XYLT1: variants seen among roughly 807,000 people sequenced by gnomAD.
XYLT1 encodes the protein beta-D-xylosyltransferase 1.
A neutral mutation model predicts 91.3 loss-of-function variants in XYLT1; 36 were observed. The ratio of observed to expected loss-of-function variants is 0.39; its 90% CI spans 0.30 to 0.52. XYLT1 has a LOEUF of 0.52. XYLT1 is among the 20% of genes least tolerant of loss of function. XYLT1 has a pLI of 0.68. For synonymous variants in XYLT1, 588 were observed against 532.0 expected, an observed-to-expected ratio of 1.11 and a Z score of -1.45; for missense variants, 1,242 against 1,284.5, an observed-to-expected ratio of 0.97 and a Z score of 0.51.
At chr16:17,292,845 TG>T (rs995478670) in intron 2 of XYLT1, among the ~76,000 whole-genome samples, 1 of 152,200 alleles carries the variant, frequency 6.6e-6, no homozygotes, top group African/African-American at 2.4e-5. Context: ...CTCCACACTT[TG>T]CCCAGTCCCA....
chr16:17,394,993 G>T (rs1024505857), intron 1 of XYLT1, among the ~76,000 whole-genome samples: 1 of 152,106 alleles, frequency 6.6e-6, no homozygotes, highest in African/African-American at 2.4e-5. Flanking sequence ...CTGCTATCAA[G>T]AACTACCTGA....
intron 1 of XYLT1, among the ~76,000 whole-genome samples, chr16:17,383,597 CA>C: frequency 6.6e-6 from 1 of 151,942 alleles, no homozygotes; most frequent in East Asian, 2.0e-4. Context: ...ACAAAAGGAA[CA>C]TTTACATTTT....
At chr16:17,253,016 T>C (rs2033566505) in intron 3 of XYLT1, among the ~76,000 whole-genome samples, 1 of 152,106 alleles carries the variant, frequency 6.6e-6, no homozygotes, top group Non-Finnish European at 1.5e-5. Flanking sequence ...AGCAAAGAAA[T>C]AAAAGGACCA....
At chr16:17,199,240 T>C (rs2032488100) in intron 4 of XYLT1, among the ~76,000 whole-genome samples, 1 of 152,204 alleles carries the variant, frequency 6.6e-6, no homozygotes, top group Non-Finnish European at 1.5e-5. Flanking sequence ...CCCCTTTGCC[T>C]TCTTGACTAA....
chr16:17,298,749 G>A (rs954343554), intron 2 of XYLT1, among the ~76,000 whole-genome samples: 4 of 152,114 alleles, frequency 2.6e-5, no homozygotes, highest in Non-Finnish European at 5.9e-5. Context: ...TGCAAATGCT[G>A]TCACTTGCCT....
chr16:17,309,345 T>C (rs989962184), intron 2 of XYLT1, among the ~76,000 whole-genome samples: 2 of 151,798 alleles, frequency 1.3e-5, no homozygotes, highest in East Asian at 3.9e-4. Context: ...CAGTTGAGAG[T>C]TGCTAGTCTA....
rs1046799966 is a variant in XYLT1, at chr16:17,104,021, C to T, written c.*4674G>A. The T allele has an allele frequency of 6.5e-6, 1 of 152,746 alleles. No individual in the cohort carries two copies. Among genetic ancestry groups the T allele is most frequent in the Non-Finnish European group, 1.5e-5 (1 of 68,148 alleles). The allele number at this position is 152,746 out of a possible 1,614,324, so 9.5% of individuals were successfully genotyped here. ...ATTCAGCTCAAGCAGATTTGGACAACTTTGTTCCCCCCTCCCAGGTAAACT... is the reference window on the plus strand; with the variant it reads ...ATTCAGCTCAAGCAGATTTGGACAATTTTGTTCCCCCCTCCCAGGTAAACT... On this transcript the variant is annotated 3_prime_UTR_variant, in exon 12 of 12. Coordinates refer to ENST00000261381, the MANE Select transcript of XYLT1 (RefSeq NM_022166.4).
chr16:17,336,703 C>T lies in XYLT1; in HGVS notation c.402+21309G>A, dbSNP rs2034984331. On this transcript the variant is annotated intron_variant, in intron 2 of 11. Transcript: ENST00000261381. The stretch of plus-strand genomic sequence containing the variant: ...GGGCAAGTCCAGCCCGTCCGAATCC[C>T]ACAGGGAAGGGCCACCATGGCTTCT... 2.0e-5 allele frequency among the ~76,000 whole-genome samples: 3 copies of T among 152,328 alleles called. No individual in the cohort carries two copies. The South Asian group carries it at 6.2e-4, about 32-fold the overall frequency.
At chr16:17,462,137 A>G (rs2036831595) in intron 1 of XYLT1, among the ~76,000 whole-genome samples, 1 of 152,202 alleles carries the variant, frequency 6.6e-6, no homozygotes, top group Non-Finnish European at 1.5e-5. Flanking sequence ...AATGCCTCTT[A>G]CCACATTACC....
intron 2 of XYLT1, among the ~76,000 whole-genome samples, chr16:17,357,193 A>C (rs1371446006): frequency 8.8e-5 from 13 of 147,206 alleles, no homozygotes; most frequent in Admixed American, 4.0e-4. Context: ...AAAAAAAAAA[A>C]AAAAAACGCT....
chr16:17,422,974 G>A (rs556826249), intron 1 of XYLT1, among the ~76,000 whole-genome samples: 3 of 152,206 alleles, frequency 2.0e-5, no homozygotes, highest in Admixed American at 2.0e-4. Flanking sequence ...CTTCTGCTAA[G>A]AGGCTGACTT....
intron 5 of XYLT1, 73 bp downstream of exon 5, chr16:17,198,139 C>T (rs575875289): frequency 1.4e-4 from 214 of 1,522,060 alleles, no homozygotes; most frequent in African/African-American, 2.7e-4. Context: ...CCTTCTGCCT[C>T]GTGAGTTCCC....
intron 1 of XYLT1, among the ~76,000 whole-genome samples, chr16:17,420,167 T>C (rs1456428499): frequency 2.0e-5 from 3 of 152,220 alleles, no homozygotes; most frequent in African/African-American, 7.2e-5. Context: ...TTAATGTGTA[T>C]ATAAGCCACA....
In XYLT1 at chr16:17,198,230, G is replaced by A. The variant is rs148488379; in HGVS notation, c.1271C>T (p.Ala424Val). Residue 424 changes from alanine (A) to valine (V), a missense_variant, in exon 5 of 12, where the codon GCG becomes GTG. Physicochemically the swap from Ala to Val is moderately conservative, Grantham distance 64. Transcript: ENST00000261381. ...GCCTTACCTGATGGGGTAGTCGGCC[G>A]CACTCAGGTTGATGAAGAAGTCCCA... ...WPWDFFINLSAADYPIRTNDQ... is the reference protein window; with the variant it reads ...WPWDFFINLSVADYPIRTNDQ... 29 of 1,614,034 alleles carry A rather than the reference G, an allele frequency of 1.8e-5. No individual in the cohort carries two copies. The African/African-American group carries it at 2.4e-4, about 13-fold the overall frequency.
intron 1 of XYLT1, among the ~76,000 whole-genome samples, chr16:17,442,067 G>A (rs2036538537): frequency 6.6e-6 from 1 of 152,134 alleles, no homozygotes; most frequent in South Asian, 2.1e-4. Flanking sequence ...GGCTTCTTGA[G>A]CTGGGAAACC....
At chr16:17,361,407 T>C (rs1223174850) in intron 1 of XYLT1, among the ~76,000 whole-genome samples, 1 of 152,202 alleles carries the variant, frequency 6.6e-6, no homozygotes, top group Non-Finnish European at 1.5e-5. Flanking sequence ...TTATACAGCA[T>C]TATTGTGGCA....
intron 4 of XYLT1, 75 bp from the exon 5 acceptor site, chr16:17,198,489 CCT>C (rs2032475620): frequency 6.9e-7 from 1 of 1,449,654 alleles, no homozygotes; most frequent in South Asian, 1.3e-5. Context: ...ACCCCTGTCC[CCT>C]CTCTGTGTCT....
At chr16:17,451,104 C>T (rs961211937) in intron 1 of XYLT1, among the ~76,000 whole-genome samples, 2 of 152,170 alleles carry the variant, frequency 1.3e-5, no homozygotes, top group African/African-American at 4.8e-5. Flanking sequence ...ACGTGATCAA[C>T]TTTTTGCAAG....
intron 2 of XYLT1, among the ~76,000 whole-genome samples, chr16:17,286,233 C>T (rs920960796): frequency 2.0e-5 from 3 of 152,136 alleles, no homozygotes; most frequent in Admixed American, 1.3e-4. Flanking sequence ...AATCAAGACC[C>T]TTCTCCACCA....
Sources: allele counts gnomAD v4.1 joint callset (sites outside exome capture counted in the v4.1 genomes callset), GRCh38; gene constraint gnomAD v4.1.1; transcripts MANE v1.5; gene names NCBI Gene and HGNC (gene_info 2026-07-23, HGNC 2026-07-21).